Variants in COL5A3 observed in about 807,000 individuals in gnomAD.
COL5A3 encodes the protein collagen type V alpha 3 chain, also known as collagen alpha-3(V) chain.
Under a neutral mutation model 250.0 loss-of-function variants are expected in COL5A3, and 172 were observed. That is an observed-to-expected ratio of 0.69 (90% confidence interval 0.61 to 0.78). COL5A3 has a LOEUF of 0.78. Ranked by LOEUF, COL5A3 falls within the 30% of genes least tolerant of loss-of-function variation. COL5A3 has a pLI of 0.00. For synonymous variants in COL5A3, 937 were observed against 900.4 expected, an observed-to-expected ratio of 1.04 and a Z score of -0.73; for missense variants, 2,340 against 2,334.4, an observed-to-expected ratio of 1.00 and a Z score of -0.05.
At chr19:9,960,956 C>T (rs187423655) in intron 65 of COL5A3, 66 bp from the exon 66 acceptor site, 2 of 1,573,326 alleles carry the variant, frequency 1.3e-6, no homozygotes, top group African/African-American at 2.7e-5. Flanking sequence ...GAAGCCACCC[C>T]CTGGAATCTC....
intron 65 of COL5A3, among the ~76,000 whole-genome samples, chr19:9,962,434 CCT>C (rs1239853610): frequency 6.6e-6 from 1 of 152,136 alleles, no homozygotes; most frequent in Non-Finnish European, 1.5e-5. Flanking sequence ...TTCACCAGAC[CCT>C]GTCTTGACTG....
chr19:9,971,804 CCG>C (rs2086851767), intron 51 of COL5A3, among the ~76,000 whole-genome samples: 1 of 152,094 alleles, frequency 6.6e-6, no homozygotes, highest in Non-Finnish European at 1.5e-5. Flanking sequence ...GAATGATCTG[CCG>C]TGAAATCAAC....
At chr19:9,971,099 C>T (rs891091916) in intron 52 of COL5A3, 71 bp from the exon 53 acceptor site, 1 of 1,433,978 alleles carries the variant, frequency 7.0e-7, no homozygotes, top group African/African-American at 1.5e-5. Context: ...GGCTGGGAGG[C>T]AAAAGAACGT....
intron 2 of COL5A3, 21 bp downstream of exon 2, chr19:10,006,052 A>G (rs1599232356): frequency 6.2e-7 from 1 of 1,612,628 alleles, no homozygotes. Flanking sequence ...GGAGGTACCC[A>G]GGCCTCCTAC....
At chr19:9,978,774 C>A in intron 40 of COL5A3, 117 bp downstream of exon 40, 3 of 941,620 alleles carry the variant, frequency 3.2e-6, no homozygotes, top group Non-Finnish European at 3.0e-6. Flanking sequence ...TTCCCTCCAC[C>A]ATTTTTTTTG....
In COL5A3 at chr19:10,001,619, C is replaced by T. The variant is rs1292025969; in HGVS notation, c.1015G>A (p.Ala339Thr). The change falls in exon 8 of 67, where the codon GCA (alanine) becomes ACA (threonine). Residue 339 changes from alanine to threonine, a missense_variant. Physicochemically the swap from Ala to Thr is moderately conservative, Grantham distance 58. Around this residue, in one of 3 missense-constraint regions of COL5A3, gnomAD observed 1,152 missense variants for 1,146.3 expected, o/e 1.00. Coordinates refer to ENST00000264828, the MANE Select transcript of COL5A3 (RefSeq NM_015719.4). ...GTELGTLETK[A>T]AREDEEGDDS... ...TCTCCTTCTTCATCCTCCCTGGCTGCCTTGGTCTCCAGGGTCCCCAGCTCG... is the reference window on the plus strand; with the variant it reads ...TCTCCTTCTTCATCCTCCCTGGCTGTCTTGGTCTCCAGGGTCCCCAGCTCG... The T allele has an allele frequency of 1.9e-6, 3 of 1,614,020 alleles. No homozygotes were observed. The highest frequency in any genetic ancestry group is 2.5e-6 in the Non-Finnish European group (3 of 1,180,024).
At chr19:9,999,839 G>A (rs559353713) in intron 8 of COL5A3, among the ~76,000 whole-genome samples, 3 of 152,172 alleles carry the variant, frequency 2.0e-5, no homozygotes, top group Non-Finnish European at 2.9e-5. Flanking sequence ...TGTGATCATG[G>A]CTTCCTGAAG....
intron 65 of COL5A3, among the ~76,000 whole-genome samples, chr19:9,961,766 G>C (rs1000608595): frequency 6.6e-6 from 1 of 152,018 alleles, no homozygotes; most frequent in African/African-American, 2.4e-5. Flanking sequence ...CACCATGTTA[G>C]CCAGGATGGT....
At position 9,973,849 on chromosome 19, in the gene COL5A3, C is replaced by A. The variant is rs1348767969; in HGVS notation, c.3559-40G>T. ...AGGGGTAAGAGTGGGACTGTGGAAT[C>A]CCAACATCCTCTTCTTAGGAAATGG... On this transcript the variant is annotated intron_variant, in intron 48 of 66. Coordinates refer to ENST00000264828, the MANE Select transcript of COL5A3 (RefSeq NM_015719.4). 3 of 1,610,780 alleles carry A rather than the reference C, an allele frequency of 1.9e-6. No individual in the cohort carries two copies. In the African/African-American group the frequency reaches 4.0e-5, roughly 22 times the overall value.
At position 9,986,585 on chromosome 19, in the gene COL5A3, A is replaced by G. The variant is rs201522236; in HGVS notation, c.2212T>C (p.Phe738Leu). Residue 738 changes from phenylalanine to leucine, a missense_variant, in exon 29 of 67, where the codon TTC (phenylalanine) becomes CTC (leucine). By Grantham distance (22) the Phe-to-Leu change is conservative. Coordinates refer to ENST00000264828, the MANE Select transcript of COL5A3 (RefSeq NM_015719.4). ...GEKGEDGFPG[F>L]KGDVGLKGDQ... ...CCTTTGAGCCCCACATCGCCCTTGA[A>G]GCCTGGGAAGCCGTCCTCTCCCTGG... The G allele has an allele frequency of 7.2e-4, 1,165 of 1,613,816 alleles. 1 individual carries two copies. Among genetic ancestry groups the G allele is most frequent in the Non-Finnish European group, 9.4e-4 (1,109 of 1,179,934 alleles).
chr19:9,967,868 G>C, intron 61 of COL5A3, 36 bp downstream of exon 61: 1 of 1,603,718 alleles, frequency 6.2e-7, no homozygotes, highest in Non-Finnish European at 8.5e-7. Flanking sequence ...GTGGGGAGCT[G>C]GGATGTGTAA....
Position 10,004,151 on chromosome 19 carries a change from G to C in COL5A3, c.595-6C>G. ...AGCAGCTCCTGAATGTCTCCCTGGG[G>C]GTTGGGGGTGTAGGAGTCAAGGAGG... is the stretch of plus-strand genomic sequence containing the variant. On this transcript the variant is annotated splice_polypyrimidine_tract_variant and splice_region_variant and intron_variant, in intron 4 of 66. Transcript: ENST00000264828. 1.2e-6 allele frequency: 2 copies of C among 1,610,186 alleles called. No individual in the cohort carries two copies. The highest frequency in any genetic ancestry group is 2.2e-5 in the South Asian group (2 of 91,014).
Position 10,009,931 on chromosome 19 carries a change from G to T in COL5A3, c.88+367C>A, listed in dbSNP as rs1030073198. ...ATACTCACCTGTCGCAATACACACC[G>T]TCCCAGCACTGCCCTGTCACTCACA... On this transcript the variant is annotated intron_variant, in intron 1 of 66. Coordinates refer to ENST00000264828, the MANE Select transcript of COL5A3 (RefSeq NM_015719.4). This position sits in a 1 kb window ranked among gnomAD's most constrained non-coding sequence, Gnocchi z 4.4. Among the ~76,000 whole-genome samples, 4 of 151,980 alleles carry T rather than the reference G, an allele frequency of 2.6e-5. No individual in the cohort carries two copies. The highest frequency in any genetic ancestry group is 5.9e-5 in the Non-Finnish European group (4 of 68,000).
chr19:9,975,855 G>A (rs1481332400), intron 45 of COL5A3, among the ~76,000 whole-genome samples: 4 of 150,442 alleles, frequency 2.7e-5, no homozygotes, highest in Admixed American at 6.6e-5. Context: ...CTAGGGTTGA[G>A]TTCATATTGG....
intron 51 of COL5A3, among the ~76,000 whole-genome samples, chr19:9,971,569 T>TCATTCATTCATCCATCCATC (rs1328565271): frequency 6.6e-6 from 1 of 151,974 alleles, no homozygotes; most frequent in East Asian, 1.9e-4. Context: ...ACTCATTCAT[T>TCATTCATTCATCCATCCATC]CATTCATTCA....
intron 35 of COL5A3, 98 bp from the exon 36 acceptor site, chr19:9,980,145 G>T: frequency 8.6e-7 from 1 of 1,157,628 alleles, no homozygotes; most frequent in Non-Finnish European, 1.2e-6. Flanking sequence ...CATATTGAGT[G>T]CTTACTGCAT....
intron 16 of COL5A3, 38 bp downstream of exon 16, chr19:9,995,526 T>C: frequency 6.4e-7 from 1 of 1,570,152 alleles, no homozygotes; most frequent in Non-Finnish European, 8.6e-7. Context: ...TGTTGAGGGA[T>C]GGATAAGGGG....
chr19:9,967,443 G>T, intron 61 of COL5A3, 43 bp from the exon 62 acceptor site: 1 of 1,411,224 alleles, frequency 7.1e-7, no homozygotes, highest in Non-Finnish European at 9.5e-7. Context: ...TGTCTATGGA[G>T]ACCCTTCCCA....
rs776106283 is a variant in COL5A3 at position 9,974,294 on chromosome 19, C to T, written c.3450+7G>A. 9.9e-6 allele frequency: 16 copies of T among 1,609,756 alleles called. No individual in the cohort carries two copies. In the African/African-American group the frequency reaches 1.6e-4, roughly 16 times the overall value. On this transcript the variant is annotated splice_region_variant and intron_variant, in intron 46 of 66. Transcript: ENST00000264828. ...CAGAAGTGCCACCCCCAAACCCAGACACCCACCTGCAGTCCAGGAGGGCCA... is the reference window on the plus strand; with the variant it reads ...CAGAAGTGCCACCCCCAAACCCAGATACCCACCTGCAGTCCAGGAGGGCCA...
Sources: allele counts gnomAD v4.1 joint callset (sites outside exome capture counted in the v4.1 genomes callset), GRCh38; gene constraint gnomAD v4.1.1; regional missense constraint gnomAD v4.1.1; non-coding constraint Gnocchi (gnomAD v3.1); transcripts MANE v1.5; gene names NCBI Gene and HGNC (gene_info 2026-07-23, HGNC 2026-07-21).